The following ZNF618 variants were observed in gnomAD, a reference collection of about 807,000 sequenced individuals.
ZNF618 encodes the protein zinc finger protein 618.
ZNF618 carries 34 observed loss-of-function variants against 103.0 expected under a neutral mutation model. That is an observed-to-expected ratio of 0.33 (90% CI 0.25 to 0.44). ZNF618 has a LOEUF of 0.44. ZNF618 is among the 20% of genes least tolerant of loss of function. ZNF618 has a pLI of 1.00. For synonymous variants in ZNF618, 551 were observed against 542.2 expected, an observed-to-expected ratio of 1.02 and a Z score of -0.23; for missense variants, 1,059 against 1,295.4, an observed-to-expected ratio of 0.82 and a Z score of 2.80.
chr9:114,021,766 T>G (rs1843084672), intron 10 of ZNF618, among the ~76,000 whole-genome samples: 2 of 152,122 alleles, frequency 1.3e-5, no homozygotes, highest in African/African-American at 4.8e-5. Context: ...ACTAATCTGC[T>G]TCCTATTACT....
At chr9:113,952,181 T>G (rs1185219728) in intron 1 of ZNF618, among the ~76,000 whole-genome samples, 2 of 152,170 alleles carry the variant, frequency 1.3e-5, no homozygotes, top group Non-Finnish European at 2.9e-5. Context: ...AAATATTTGG[T>G]CCGCAGCATT....
chr9:113,880,727 C>T (rs74567057), intron 1 of ZNF618, among the ~76,000 whole-genome samples: 1 of 152,080 alleles, frequency 6.6e-6, no homozygotes, highest in Non-Finnish European at 1.5e-5. Flanking sequence ...GGTGAGTATC[C>T]TCTCATGAAA....
At chr9:113,918,483 C>T (rs1238401144) in intron 1 of ZNF618, among the ~76,000 whole-genome samples, 2 of 152,148 alleles carry the variant, frequency 1.3e-5, no homozygotes, top group African/African-American at 4.8e-5. Flanking sequence ...TGGTGTTTGC[C>T]AAATAGTGAT....
Position 114,050,113 on chromosome 9 carries a change from G to T in ZNF618, c.2811G>T (p.Leu937=), listed in dbSNP as rs1315281097. 2 of 1,605,668 alleles carry T rather than the reference G, an allele frequency of 1.2e-6. No individual in the cohort carries two copies. Among genetic ancestry groups the T allele is most frequent in the African/African-American group, 1.3e-5 (1 of 74,810 alleles). ...CGCTTCTAATCAAACGGAGGCGGCT[G>T]CTCAGTCCAGAAGATATGAATAAAC... The part of the protein sequence containing the change: ...EQALLIKRRR[L]LSPEDMNKLM... Residue 937 remains leucine, a synonymous_variant, in exon 15 of 15, where the codon CTG becomes CTT. Transcript: ENST00000374126.
chr9:113,929,438 G>T (rs1833384217), intron 1 of ZNF618, among the ~76,000 whole-genome samples: 1 of 152,214 alleles, frequency 6.6e-6, no homozygotes, highest in Non-Finnish European at 1.5e-5. Flanking sequence ...CTTGTTGTAA[G>T]GATGGGAGTG....
chr9:113,966,068 T>C (rs967345511), intron 1 of ZNF618, among the ~76,000 whole-genome samples: 3 of 152,190 alleles, frequency 2.0e-5, no homozygotes, highest in African/African-American at 7.2e-5. Context: ...TGTGCCTCAG[T>C]TTCCTAGACC....
intron 1 of ZNF618, among the ~76,000 whole-genome samples, chr9:113,943,672 GA>G (rs376556639): frequency 2.0e-5 from 3 of 149,020 alleles, no homozygotes; most frequent in Admixed American, 6.7e-5. Flanking sequence ...ACCACTAATT[GA>G]AAAAAAAAGG....
chr9:113,980,078 A>G (rs1475371786), intron 2 of ZNF618, among the ~76,000 whole-genome samples: 1 of 152,154 alleles, frequency 6.6e-6, no homozygotes, highest in Admixed American at 6.6e-5. Flanking sequence ...ATTTGCTGGT[A>G]TATTCATAGT....
chr9:114,010,969 C>G (rs1842187397), intron 9 of ZNF618, among the ~76,000 whole-genome samples: 1 of 152,162 alleles, frequency 6.6e-6, no homozygotes, highest in African/African-American at 2.4e-5. Context: ...TGCGGACAAG[C>G]ACATCTCTGA....
intron 1 of ZNF618, among the ~76,000 whole-genome samples, chr9:113,940,004 G>T (rs1258362125): frequency 2.6e-5 from 4 of 151,466 alleles, no homozygotes; most frequent in African/African-American, 9.7e-5. Flanking sequence ...GGCTTATTTT[G>T]ATTTTATTCT....
chr9:113,957,236 T>C (rs1022793291), intron 1 of ZNF618, among the ~76,000 whole-genome samples: 2 of 152,194 alleles, frequency 1.3e-5, no homozygotes, highest in Non-Finnish European at 2.9e-5. Flanking sequence ...GCTCATGTAG[T>C]GTTGTTAGCA....
At position 113,891,464 on chromosome 9, in the gene ZNF618, A is replaced by AT. The variant is rs1199331752; in HGVS notation, c.33+15059dup. Among the ~76,000 whole-genome samples the AT allele has an allele frequency of 2.6e-5, 4 of 152,192 alleles. No individual in the cohort carries two copies. In the East Asian group the frequency reaches 5.8e-4, roughly 22 times the overall value. ...CCTCATACCCATTAGTATGGCTGTTATTTTTTTTAAAAAAGTGTTGGTGAG... is the reference window on the plus strand; with the variant it reads ...CCTCATACCCATTAGTATGGCTGTTATTTTTTTTTAAAAAAGTGTTGGTGAG... On this transcript the variant is annotated intron_variant, in intron 1 of 14. Coordinates refer to ENST00000374126, the MANE Select transcript of ZNF618 (RefSeq NM_001318042.2).
Position 114,032,614 on chromosome 9 carries a change from G to A in ZNF618, c.1085-31G>A, listed in dbSNP as rs747194902. ...GACCTAGTGCTGACCAATCACCATTGTTTTCTTTCTCTCTCCTGTCCCCCA... is the reference window on the plus strand; with the variant it reads ...GACCTAGTGCTGACCAATCACCATTATTTTCTTTCTCTCTCCTGTCCCCCA... On this transcript the variant is annotated intron_variant, in intron 11 of 14. Coordinates refer to ENST00000374126, the MANE Select transcript of ZNF618 (RefSeq NM_001318042.2). The A allele has an allele frequency of 1.1e-4, 185 of 1,609,960 alleles. 3 individuals are homozygous for A. In the South Asian group the frequency reaches 2.0e-3, roughly 18 times the overall value.
chr9:113,948,154 C>G (rs1327597364), intron 1 of ZNF618, among the ~76,000 whole-genome samples: 1 of 152,174 alleles, frequency 6.6e-6, no homozygotes, highest in Non-Finnish European at 1.5e-5. Context: ...AGTGCGACCT[C>G]ATAAATGGAG....
At chr9:114,002,591 C>A in intron 5 of ZNF618, 33 bp from the exon 6 acceptor site, 1 of 1,597,462 alleles carries the variant, frequency 6.3e-7, no homozygotes, top group Non-Finnish European at 8.5e-7. Flanking sequence ...GCCCGGTAGC[C>A]CCACCCCCAT....
At chr9:113,880,051 C>G (rs1828372342) in intron 1 of ZNF618, among the ~76,000 whole-genome samples, 1 of 152,144 alleles carries the variant, frequency 6.6e-6, no homozygotes, top group African/African-American at 2.4e-5. Flanking sequence ...CCTCCAGTGT[C>G]AGATACAATA....
intron 1 of ZNF618, among the ~76,000 whole-genome samples, chr9:113,936,998 C>T (rs1888161): frequency 0.49 from 73,789 of 151,858 alleles, 18,242 homozygotes; most frequent in Non-Finnish European, 0.53. Context: ...TCATTCCCCT[C>T]GCTCACCAGA....
At chr9:113,937,674 C>T (rs1253189637) in intron 1 of ZNF618, among the ~76,000 whole-genome samples, 1 of 152,202 alleles carries the variant, frequency 6.6e-6, no homozygotes, top group Non-Finnish European at 1.5e-5. Flanking sequence ...TCAGGTTAAG[C>T]ACTTTGTGCA....
chr9:113,886,971 CTTTTTTTTTTTTTTTT>C (rs57000343), intron 1 of ZNF618, among the ~76,000 whole-genome samples: 1 of 109,518 alleles, frequency 9.1e-6, no homozygotes, highest in Non-Finnish European at 1.8e-5. Flanking sequence ...TTACTTTCTA[CTTTTTTTTTTTTTTTT>C]TTTTTTTTTT....
Sources: gnomAD v4.1 joint callset for allele counts (sites outside exome capture counted in the v4.1 genomes callset) on GRCh38, gnomAD v4.1.1 for gene constraint, MANE v1.5 for transcripts, NCBI Gene and HGNC (gene_info 2026-07-23, HGNC 2026-07-21) for gene names.